Variants in SLCO1B1 observed in about 807,000 individuals in gnomAD.
SLCO1B1 encodes the protein solute carrier organic anion transporter family member 1B1.
Under a neutral mutation model 70.1 loss-of-function variants are expected in SLCO1B1, and 81 were observed. The ratio of observed to expected loss-of-function variants is 1.16; its 90% CI spans 0.97 to 1.39. The LOEUF is 1.39. SLCO1B1 is among the 40% of genes most tolerant of loss of function. The pLI, the probability that SLCO1B1 is intolerant of heterozygous loss-of-function variation, is 0.00. For missense variants in SLCO1B1, 895 were observed against 799.6 expected, an observed-to-expected ratio of 1.12 and a Z score of -1.44; for synonymous variants, 283 against 271.5, an observed-to-expected ratio of 1.04 and a Z score of -0.42.
At chr12:21,196,912 A>G (rs1164043758) in intron 7 of SLCO1B1, 34 bp from the exon 8 acceptor site, 2 of 1,603,726 alleles carry the variant, frequency 1.2e-6, no homozygotes, top group African/African-American at 1.3e-5. Flanking sequence ...TTTCAAAATG[A>G]TTTTTGACTG....
At chr12:21,214,621 C>T (rs1941333919) in intron 11 of SLCO1B1, among the ~76,000 whole-genome samples, 1 of 150,226 alleles carries the variant, frequency 6.7e-6, no homozygotes, top group South Asian at 2.1e-4. Flanking sequence ...CTTTGTTTTT[C>T]CTAATCAAGC....
At chr12:21,212,447 G>A (rs1941299311) in intron 11 of SLCO1B1, among the ~76,000 whole-genome samples, 1 of 142,036 alleles carries the variant, frequency 7.0e-6, no homozygotes, top group Non-Finnish European at 1.5e-5. Context: ...TATAATTTCT[G>A]TTCTTTTCCA....
At chr12:21,163,130 A>T (rs1940642507) in intron 2 of SLCO1B1, among the ~76,000 whole-genome samples, 1 of 152,166 alleles carries the variant, frequency 6.6e-6, no homozygotes, top group South Asian at 2.1e-4. Context: ...TGTCCAGAAG[A>T]TGTGGTATAA....
chr12:21,226,405 C>G (rs1343356589), intron 14 of SLCO1B1, among the ~76,000 whole-genome samples: 1 of 149,896 alleles, frequency 6.7e-6, no homozygotes, highest in Non-Finnish European at 1.5e-5. Context: ...CAGAGCGAGA[C>G]TCTGTCTCAA....
At chr12:21,191,422 T>C (rs987590638) in intron 7 of SLCO1B1, among the ~76,000 whole-genome samples, 5 of 152,124 alleles carry the variant, frequency 3.3e-5, no homozygotes, top group Non-Finnish European at 5.9e-5. Context: ...TCTTTTCAAA[T>C]AGTACTTGGT....
In SLCO1B1 at chr12:21,178,951, C is replaced by A; in HGVS notation, c.658C>A (p.Pro220Thr). The change falls in exon 7 of 15, where the codon CCA (proline) becomes ACA (threonine). Residue 220 changes from proline to threonine, a missense_variant. Coordinates refer to ENST00000256958, the MANE Select transcript of SLCO1B1 (RefSeq NM_006446.5). Reference protein sequence around the residue: ...GILNAIAMIGPIIGFTLGSLF... With the variant: ...GILNAIAMIGTIIGFTLGSLF... ...ATTGAATGCAATAGCAATGATTGGT[C>A]CAATCATTGGCTTTACCCTGGGATC... 1.9e-6 allele frequency: 3 copies of A among 1,611,644 alleles called. No individual in the cohort carries two copies. The highest frequency in any genetic ancestry group is 1.1e-5 in the South Asian group (1 of 91,018).
intron 14 of SLCO1B1, among the ~76,000 whole-genome samples, chr12:21,232,340 C>T (rs1167586322): frequency 6.6e-6 from 1 of 152,140 alleles, no homozygotes; most frequent in African/African-American, 2.4e-5. Context: ...CTAACTATGA[C>T]ATTAACTACA....
chr12:21,184,595 T>C (rs1032638437), intron 7 of SLCO1B1, among the ~76,000 whole-genome samples: 2 of 152,164 alleles, frequency 1.3e-5, no homozygotes, highest in Admixed American at 1.3e-4. Context: ...AAACCAGCCT[T>C]ATAACAGGTC....
intron 14 of SLCO1B1, among the ~76,000 whole-genome samples, chr12:21,232,991 A>G (rs1447424671): frequency 2.0e-5 from 3 of 152,200 alleles, no homozygotes; most frequent in African/African-American, 4.8e-5. Context: ...ATGCTGCCCA[A>G]TGGGCTGCAT....
chr12:21,141,381 T>C (rs570206106), intron 1 of SLCO1B1, 133 bp from the exon 2 acceptor site: 1 of 411,108 alleles, frequency 2.4e-6, no homozygotes, highest in African/African-American at 2.0e-5. Context: ...CCTAGCAGAG[T>C]GGTAACGACA....
At chr12:21,191,297 T>G (rs1452924859) in intron 7 of SLCO1B1, among the ~76,000 whole-genome samples, 1 of 152,126 alleles carries the variant, frequency 6.6e-6, no homozygotes, top group African/African-American at 2.4e-5. Flanking sequence ...ATTTATGGCT[T>G]CTTTATTTCC....
In SLCO1B1 at chr12:21,132,033, G is replaced by A. The variant is rs143057826; in HGVS notation, c.-62+797G>A. On this transcript the variant is annotated intron_variant, in intron 1 of 14. Coordinates refer to ENST00000256958, the MANE Select transcript of SLCO1B1 (RefSeq NM_006446.5). ...CCCGGTGTGTGATGTTCCCTTTCCTGTGTCCATGTGTTCTCATTGTTCAGT... is the reference window on the plus strand; with the variant it reads ...CCCGGTGTGTGATGTTCCCTTTCCTATGTCCATGTGTTCTCATTGTTCAGT... Among the ~76,000 whole-genome samples, 698 of 152,006 alleles carry A rather than the reference G, an allele frequency of 4.6e-3. 5 individuals carry two copies. The highest frequency in any genetic ancestry group is 0.016 in the African/African-American group (645 of 41,432).
At chr12:21,220,907 G>C (rs577249117) in intron 12 of SLCO1B1, among the ~76,000 whole-genome samples, 1 of 151,490 alleles carries the variant, frequency 6.6e-6, no homozygotes, top group African/African-American at 2.4e-5. Context: ...AATCAAATCC[G>C]ATGGCACATA....
At chr12:21,168,790 T>G (rs2121091600) in intron 2 of SLCO1B1, among the ~76,000 whole-genome samples, 1 of 152,318 alleles carries the variant, frequency 6.6e-6, no homozygotes. Context: ...TAACTCCTCA[T>G]CACTTATATT....
chr12:21,195,107 T>C (rs1185468902), intron 7 of SLCO1B1, among the ~76,000 whole-genome samples: 1 of 152,160 alleles, frequency 6.6e-6, no homozygotes, highest in Non-Finnish European at 1.5e-5. Flanking sequence ...AGCAGGAGAT[T>C]TGAACAAGAC....
At chr12:21,195,988 T>C (rs1941088131) in intron 7 of SLCO1B1, among the ~76,000 whole-genome samples, 1 of 152,190 alleles carries the variant, frequency 6.6e-6, no homozygotes, top group Non-Finnish European at 1.5e-5. Flanking sequence ...ATTGCAAGTG[T>C]TCATAGGCAC....
At chr12:21,211,410 C>A (rs1941282909) in intron 11 of SLCO1B1, among the ~76,000 whole-genome samples, 2 of 152,326 alleles carry the variant, frequency 1.3e-5, no homozygotes, top group South Asian at 2.1e-4. Flanking sequence ...AGGGATGAAG[C>A]CCACTTGATC....
At chr12:21,220,815 TA>T (rs35163063) in intron 12 of SLCO1B1, among the ~76,000 whole-genome samples, 140 of 121,510 alleles carry the variant, frequency 1.2e-3, no homozygotes, top group Middle Eastern at 4.3e-3. Flanking sequence ...AAGACTGGTC[TA>T]AAAAAAAAAA....
chr12:21,190,678 T>C (rs141343073), intron 7 of SLCO1B1, among the ~76,000 whole-genome samples: 28 of 152,236 alleles, frequency 1.8e-4, no homozygotes, highest in African/African-American at 6.5e-4. Context: ...CTTCCATCTT[T>C]CCCCTTCTGA....
Sources: allele counts gnomAD v4.1 joint callset (sites outside exome capture counted in the v4.1 genomes callset), GRCh38; gene constraint gnomAD v4.1.1; transcripts MANE v1.5; gene names NCBI Gene and HGNC (gene_info 2026-07-23, HGNC 2026-07-21).